Variants in CDH18 observed in about 807,000 individuals in gnomAD.
CDH18 encodes the protein cadherin 18.
Under a neutral mutation model 67.9 loss-of-function variants are expected in CDH18, and 31 were observed. The ratio of observed to expected loss-of-function variants is 0.46; its 90% CI spans 0.34 to 0.62. The LOEUF is 0.62. CDH18 is among the 20% of genes least tolerant of loss of function. The pLI is 0.01. For missense variants in CDH18, 890 were observed against 975.5 expected (o/e 0.91, Z 1.17); for synonymous variants, 362 against 347.2 (o/e 1.04, Z -0.48).
At chr5:20,541,622 T>C (rs1757052541) in intron 1 of CDH18, among the ~76,000 whole-genome samples, 1 of 152,142 alleles carries the variant, frequency 6.6e-6, no homozygotes, top group African/African-American at 2.4e-5. Context: ...AGGTATTTAA[T>C]CAGGATAAAA....
chr5:19,573,564 C>T (rs748671195), intron 7 of CDH18, among the ~76,000 whole-genome samples: 2 of 152,114 alleles, frequency 1.3e-5, no homozygotes, highest in Non-Finnish European at 2.9e-5. Context: ...AGGCGTAAGC[C>T]ACCATGCCCG....
At chr5:19,990,971 T>C (rs1027658715), upstream of CDH18, among the ~76,000 whole-genome samples, 3 of 152,228 alleles carry the variant, frequency 2.0e-5, no homozygotes, top group South Asian at 2.1e-4. Flanking sequence ...TGGACATTTC[T>C]GATACTGAAT....
chr5:20,412,842 C>T lies in CDH18; in HGVS notation c.-579-157337G>A, dbSNP rs1181938786. Among the ~76,000 whole-genome samples the T allele has an allele frequency of 2.6e-5, 4 of 152,188 alleles. No individual in the cohort carries two copies. In the East Asian group the frequency reaches 7.7e-4, roughly 29 times the overall value. On this transcript the variant is annotated intron_variant, in intron 1 of 14. Coordinates refer to the CDH18 transcript ENST00000507958. The stretch of plus-strand genomic sequence containing the variant: ...TTTTTTTAAAATTATACTTTAAGTT[C>T]TAGGGTACATGTGCACAACATGCAG...
intron 1 of CDH18, chr5:20,304,240 T>C (rs1460890883): frequency 1.9e-6 from 3 of 1,559,624 alleles, no homozygotes; most frequent in African/African-American, 1.4e-5. Flanking sequence ...CATTCAGCAA[T>C]ATGTTGCCTA....
chr5:20,535,518 G>T (rs552320446), intron 1 of CDH18, among the ~76,000 whole-genome samples: 49 of 152,056 alleles, frequency 3.2e-4, no homozygotes, highest in Middle Eastern at 6.8e-3. Flanking sequence ...AGTCCCTTTT[G>T]CCAAGTAACA....
chr5:19,670,731 A>T (rs1758629781), intron 5 of CDH18, among the ~76,000 whole-genome samples: 1 of 152,100 alleles, frequency 6.6e-6, no homozygotes, highest in Non-Finnish European at 1.5e-5. Flanking sequence ...AAGCTGAACG[A>T]CAAGATCAAC....
intron 1 of CDH18, among the ~76,000 whole-genome samples, chr5:20,330,632 C>T (rs1739082483): frequency 6.6e-6 from 1 of 152,152 alleles, no homozygotes; most frequent in South Asian, 2.1e-4. Flanking sequence ...AGTGAGCATG[C>T]TTAGAACCTC....
chr5:20,512,237 AT>A (rs1268945949), intron 1 of CDH18, among the ~76,000 whole-genome samples: 1 of 152,164 alleles, frequency 6.6e-6, no homozygotes, highest in Non-Finnish European at 1.5e-5. Context: ...AAATAAAAAA[AT>A]AAATGCTCGC....
intron 1 of CDH18, among the ~76,000 whole-genome samples, chr5:20,370,229 CATT>C (rs894184672): frequency 2.0e-4 from 30 of 150,974 alleles, no homozygotes; most frequent in Non-Finnish European, 3.3e-4. Flanking sequence ...TCACCGTCAT[CATT>C]ATTATCCTTA....
intron 5 of CDH18, among the ~76,000 whole-genome samples, chr5:19,704,289 T>A (rs543462074): frequency 1.1e-4 from 16 of 152,332 alleles, no homozygotes; most frequent in African/African-American, 3.8e-4. Context: ...CCTGCTCATT[T>A]TAACATAGTT....
chr5:20,389,484 G>T (rs1394242064), intron 1 of CDH18, among the ~76,000 whole-genome samples: 2 of 152,054 alleles, frequency 1.3e-5, no homozygotes, highest in African/African-American at 4.8e-5. Context: ...ACAGCACACT[G>T]ATGGTTCTTG....
intron 2 of CDH18, among the ~76,000 whole-genome samples, chr5:19,920,446 G>A (rs557052067): frequency 2.7e-5 from 4 of 150,256 alleles, no homozygotes; most frequent in Non-Finnish European, 5.9e-5. Flanking sequence ...CCAATTATCC[G>A]ATTTGCATTC....
chr5:20,282,385 A>C (rs10078027), intron 1 of CDH18, among the ~76,000 whole-genome samples: 17,688 of 151,972 alleles, frequency 0.12, 1,541 homozygotes, highest in African/African-American at 0.24. Context: ...TGAGATACGT[A>C]ACATCAATAC....
intron 2 of CDH18, among the ~76,000 whole-genome samples, chr5:19,871,528 T>C (rs948458420): frequency 2.0e-5 from 3 of 152,206 alleles, no homozygotes; most frequent in African/African-American, 7.2e-5. Context: ...TTCCAAACTT[T>C]TTTAGGATGT....
chr5:20,413,242 C>T (rs1013026444), intron 1 of CDH18, among the ~76,000 whole-genome samples: 1 of 152,138 alleles, frequency 6.6e-6, no homozygotes, highest in Admixed American at 6.6e-5. Context: ...TCCAAGTCTT[C>T]ACTATTGTGA....
At chr5:20,337,154 CTG>C (rs1239897820) in intron 1 of CDH18, among the ~76,000 whole-genome samples, 3 of 152,202 alleles carry the variant, frequency 2.0e-5, no homozygotes, top group Admixed American at 1.3e-4. Context: ...GCTATTCACT[CTG>C]TGGTGTCTGT....
intron 2 of CDH18, among the ~76,000 whole-genome samples, chr5:19,978,273 T>C (rs1798696210): frequency 6.6e-6 from 1 of 152,244 alleles, no homozygotes; most frequent in South Asian, 2.1e-4. Context: ...GAGTAACATT[T>C]ACCTTCTTTT....
intron 2 of CDH18, among the ~76,000 whole-genome samples, chr5:19,948,846 G>T (rs143425598): frequency 2.3e-3 from 350 of 152,216 alleles, no homozygotes; most frequent in African/African-American, 7.8e-3. Context: ...AAATAAAAGG[G>T]TGAAGAAAAT....
chr5:19,941,829 C>A (rs1015237270), intron 2 of CDH18, among the ~76,000 whole-genome samples: 2 of 151,860 alleles, frequency 1.3e-5, no homozygotes, highest in African/African-American at 2.4e-5. Flanking sequence ...ATCTACCCTG[C>A]CTAACTCCTA....
Sources: allele counts gnomAD v4.1 joint callset (sites outside exome capture counted in the v4.1 genomes callset), GRCh38; gene constraint gnomAD v4.1.1; transcripts MANE v1.5; gene names NCBI Gene and HGNC (gene_info 2026-07-23, HGNC 2026-07-21).